EYA1: variants seen among roughly 807,000 people sequenced by gnomAD.
EYA1 encodes EYA transcriptional coactivator and phosphatase 1.
Under a neutral mutation model 82.0 loss-of-function variants are expected in EYA1, and 16 were observed. The ratio of observed to expected loss-of-function variants is 0.20; its 90% confidence interval spans 0.13 to 0.30. The LOEUF (loss-of-function observed/expected upper bound fraction) is 0.30, where lower values mean the gene tolerates loss of function less well. Among genes scored for constraint, EYA1 ranks in the 10% least tolerant of loss-of-function variants. EYA1 has a pLI of 1.00. For synonymous variants in EYA1, 261 were observed against 264.4 expected, an observed-to-expected ratio of 0.99 and a Z score of 0.12; for missense variants, 633 against 730.7, an observed-to-expected ratio of 0.87 and a Z score of 1.54.
Position 71,330,892 on chromosome 8 carries a change from T to C in EYA1, c.202+3205A>G, listed in dbSNP as rs923767924. On this transcript the variant is annotated intron_variant, in intron 4 of 17. Transcript: ENST00000340726. ...GTGTGTGTGTATGCATACGCATATG[T>C]ACCTCACATTCTGTTGGAGTTTTGT... Among the ~76,000 whole-genome samples the C allele has an allele frequency of 9.9e-5, 15 of 152,106 alleles. 1 individual carries two copies. The highest frequency in any genetic ancestry group is 1.8e-4 in the Non-Finnish European group (12 of 68,020).
intron 2 of EYA1, among the ~76,000 whole-genome samples, chr8:71,469,148 G>C (rs1808992528): frequency 7.0e-6 from 1 of 142,976 alleles, no homozygotes; most frequent in African/African-American, 2.8e-5. Context: ...CCTAGTACAT[G>C]TTAAATACAG....
At chr8:71,289,603 T>C (rs1028794888) in intron 9 of EYA1, among the ~76,000 whole-genome samples, 5 of 152,198 alleles carry the variant, frequency 3.3e-5, no homozygotes, top group African/African-American at 1.2e-4. Context: ...AAACTCAAGT[T>C]TGAAGTCAAG....
At chr8:71,277,114 CATTT>C (rs1447564306) in intron 9 of EYA1, among the ~76,000 whole-genome samples, 29 of 90,620 alleles carry the variant, frequency 3.2e-4, no homozygotes, top group African/African-American at 1.3e-4. Context: ...TGGCTTCACA[CATTT>C]TTTTTTTTTT....
At chr8:71,229,161 C>T (rs969076609) in intron 12 of EYA1, among the ~76,000 whole-genome samples, 1 of 152,100 alleles carries the variant, frequency 6.6e-6, no homozygotes, top group Admixed American at 6.5e-5. Context: ...CATGAACAGC[C>T]TGCCTCCCTG....
chr8:71,413,067 T>G (rs747203113), intron 2 of EYA1, among the ~76,000 whole-genome samples: 4 of 152,146 alleles, frequency 2.6e-5, no homozygotes, highest in Non-Finnish European at 5.9e-5. Context: ...AGTGCCATAG[T>G]TTAACTGTAT....
At chr8:71,226,998 T>C (rs1386418179) in intron 12 of EYA1, among the ~76,000 whole-genome samples, 1 of 152,092 alleles carries the variant, frequency 6.6e-6, no homozygotes, top group Non-Finnish European at 1.5e-5. Flanking sequence ...CACAGGGCAA[T>C]GCATTAGTGT....
In EYA1 at chr8:71,321,509, A is replaced by G. The variant is rs7008755; in HGVS notation, c.418+225T>C. On this transcript the variant is annotated intron_variant, in intron 6 of 17. Transcript: ENST00000340726. ...ATGTAAATCGAGAAAAATGAGAGCA[A>G]GAAGGCATACGAACCACATAATCTT... Among the ~76,000 whole-genome samples, 40,171 of 152,140 alleles carry G rather than the reference A, an allele frequency of 0.26. 5,457 individuals are homozygous for G. Among genetic ancestry groups the G allele is most frequent in the African/African-American group, 0.3 (12,497 of 41,482 alleles).
intron 2 of EYA1, among the ~76,000 whole-genome samples, chr8:71,425,673 G>C (rs1456722978): frequency 6.6e-6 from 1 of 152,084 alleles, no homozygotes; most frequent in African/African-American, 2.4e-5. Flanking sequence ...TAAAAAGTGA[G>C]TTCTCCCTTG....
At chr8:71,408,263 A>G (rs1016386172) in intron 2 of EYA1, among the ~76,000 whole-genome samples, 4 of 152,192 alleles carry the variant, frequency 2.6e-5, no homozygotes, top group African/African-American at 9.6e-5. Flanking sequence ...AGCCGCTGCA[A>G]AATCATGCCA....
At position 71,253,429 on chromosome 8, in the gene EYA1, A is replaced by G. The variant is rs554327908; in HGVS notation, c.1051-8737T>C. Reference sequence around the variant, plus strand: ...GGTTGAATCATCAAACTGATTATATAGGGGAAAGGTGGTCTATTCTTTGGC... The same window carrying G: ...GGTTGAATCATCAAACTGATTATATGGGGGAAAGGTGGTCTATTCTTTGGC... On this transcript the variant is annotated intron_variant, in intron 11 of 17. Transcript: ENST00000340726. Among the ~76,000 whole-genome samples the G allele has an allele frequency of 2.1e-3, 315 of 152,304 alleles. 1 individual carries two copies. The highest frequency in any genetic ancestry group is 4.3e-3 in the South Asian group (21 of 4,828).
At chr8:71,542,269 C>T (rs1478384019) in intron 1 of EYA1, among the ~76,000 whole-genome samples, 1 of 152,006 alleles carries the variant, frequency 6.6e-6, no homozygotes, top group Non-Finnish European at 1.5e-5. Context: ...CTTTATGTAT[C>T]CATGTGTTCT....
At chr8:71,377,330 C>T (rs1828432623) in intron 2 of EYA1, among the ~76,000 whole-genome samples, 1 of 152,152 alleles carries the variant, frequency 6.6e-6, no homozygotes, top group Non-Finnish European at 1.5e-5. Context: ...CCCCAGCCAC[C>T]ATTTGACAGA....
intron 12 of EYA1, among the ~76,000 whole-genome samples, chr8:71,218,219 A>C (rs1809452082): frequency 6.6e-6 from 1 of 152,234 alleles, no homozygotes; most frequent in African/African-American, 2.4e-5. Flanking sequence ...GTCATGTTTC[A>C]GATAGAGTTA....
chr8:71,281,960 G>A (rs532649369), intron 9 of EYA1, among the ~76,000 whole-genome samples: 20 of 152,280 alleles, frequency 1.3e-4, no homozygotes, highest in African/African-American at 4.3e-4. Context: ...GAATATTGGC[G>A]CTGCCTATAT....
intron 17 of EYA1, among the ~76,000 whole-genome samples, chr8:71,203,807 G>A (rs1333510565): frequency 6.6e-6 from 1 of 152,184 alleles, no homozygotes; most frequent in Non-Finnish European, 1.5e-5. Context: ...GAGAAACTAG[G>A]TAGAATTACA....
chr8:71,405,592 T>C (rs1432531390), intron 2 of EYA1, among the ~76,000 whole-genome samples: 1 of 152,190 alleles, frequency 6.6e-6, no homozygotes, highest in Non-Finnish European at 1.5e-5. Flanking sequence ...ACACAAAAGG[T>C]ACAAAATTAG....
chr8:71,450,347 G>A (rs1384089910), intron 2 of EYA1, among the ~76,000 whole-genome samples: 1 of 152,134 alleles, frequency 6.6e-6, no homozygotes, highest in African/African-American at 2.4e-5. Context: ...GCCATTGTAG[G>A]GTTATTAACA....
chr8:71,379,569 T>C (rs1464263631), intron 2 of EYA1, among the ~76,000 whole-genome samples: 1 of 152,178 alleles, frequency 6.6e-6, no homozygotes, highest in Non-Finnish European at 1.5e-5. Context: ...CAAGAAGAAA[T>C]AGGATGTGAA....
intron 11 of EYA1, among the ~76,000 whole-genome samples, chr8:71,259,161 G>C (rs1207168035): frequency 6.6e-6 from 1 of 152,016 alleles, no homozygotes; most frequent in Non-Finnish European, 1.5e-5. Context: ...TTTTTACCCT[G>C]AACTCTGTCT....
Sources: allele counts gnomAD v4.1 joint callset (sites outside exome capture counted in the v4.1 genomes callset), GRCh38; gene constraint gnomAD v4.1.1; transcripts MANE v1.5; gene names NCBI Gene and HGNC (gene_info 2026-07-23, HGNC 2026-07-21).